PTPRU: variants seen among roughly 807,000 people sequenced by gnomAD.
The protein encoded by PTPRU is receptor-type tyrosine-protein phosphatase U.
A neutral mutation model predicts 166.3 loss-of-function variants in PTPRU; 69 were observed. The ratio of observed to expected loss-of-function variants is 0.41; its 90% CI spans 0.34 to 0.51. The LOEUF (loss-of-function observed/expected upper bound fraction) is 0.51. Ranked by LOEUF, PTPRU falls within the 20% of genes least tolerant of loss-of-function variation. PTPRU has a pLI of 0.09. For synonymous variants in PTPRU, 793 were observed against 814.0 expected (o/e 0.97, Z 0.44); for missense variants, 1,657 against 2,013.7 (o/e 0.82, Z 3.39).
intron 15 of PTPRU, among the ~76,000 whole-genome samples, chr1:29,297,922 G>A (rs1686964402): frequency 6.6e-6 from 1 of 152,166 alleles, no homozygotes; most frequent in Admixed American, 6.5e-5. Context: ...GACTGATGGT[G>A]AGGAGGAAGG....
At chr1:29,300,786 A>G (rs150027501) in intron 15 of PTPRU, among the ~76,000 whole-genome samples, 2,646 of 152,310 alleles carry the variant, frequency 0.017, 43 homozygotes, top group South Asian at 0.027. Flanking sequence ...ATGGCACAGG[A>G]AGGTGGAACC....
chr1:29,318,926 G>A (rs549149931), intron 25 of PTPRU, among the ~76,000 whole-genome samples: 2 of 152,238 alleles, frequency 1.3e-5, no homozygotes, highest in Non-Finnish European at 2.9e-5. Flanking sequence ...CTCCCACAGC[G>A]GTTAAGAGGG....
intron 7 of PTPRU, among the ~76,000 whole-genome samples, chr1:29,264,592 G>A (rs547784720): frequency 1.7e-4 from 25 of 151,130 alleles, no homozygotes; most frequent in East Asian, 1.2e-3. Flanking sequence ...TGCAACCTCC[G>A]CCTCCCAGGT....
intron 1 of PTPRU, among the ~76,000 whole-genome samples, chr1:29,239,099 T>C (rs1683920510): frequency 6.6e-6 from 1 of 152,222 alleles, no homozygotes; most frequent in African/African-American, 2.4e-5. Context: ...CTGCCTCTGC[T>C]ACTTGCTATT....
In PTPRU at chr1:29,259,584, T is replaced by C. The variant is rs757350836; in HGVS notation, c.675+20T>C. ...TTGCAAGTGAGCGGGAGCGGTGATC[T>C]TGGCTGGGGGCGGGGTGGGAGGGGG... On this transcript the variant is annotated intron_variant, in intron 5 of 29. Transcript: ENST00000373779. 3 of 727,896 alleles carry C rather than the reference T, an allele frequency of 4.1e-6. No individual in the cohort carries two copies. The African/African-American group carries it at 5.5e-5, about 13-fold the overall frequency. 45.1% of individuals were successfully genotyped at this position (727,896 alleles called of 1,614,324 possible). A position where few individuals can be genotyped will look rare whatever the true frequency, so the allele number is the denominator to read the frequency against.
rs562721114 is a variant in PTPRU at position 29,318,038 on chromosome 1, G to T, written c.3687+117G>T. 5.6e-5 allele frequency: 75 copies of T among 1,348,310 alleles called. No homozygotes were observed. The East Asian group carries it at 1.8e-3, about 32-fold the overall frequency. The allele number at this position is 1,348,310 out of a possible 1,614,324, so 83.5% of individuals were successfully genotyped here. A position where few individuals can be genotyped will look rare whatever the true frequency, so the allele number is the denominator to read the frequency against. The stretch of plus-strand genomic sequence containing the variant: ...TGTTGGGGGGACCCCTGCCCATTCT[G>T]GGGAACAGGCCTGTGTGTGACCCTC... On this transcript the variant is annotated intron_variant, in intron 25 of 29. Transcript: ENST00000373779.
chr1:29,288,699 T>C (rs1686477732), intron 14 of PTPRU, among the ~76,000 whole-genome samples: 1 of 151,424 alleles, frequency 6.6e-6, no homozygotes, highest in Non-Finnish European at 1.5e-5. Context: ...GCTGACAGGG[T>C]GATGTGGGGG....
intron 7 of PTPRU, among the ~76,000 whole-genome samples, chr1:29,264,494 G>T (rs1190894906): frequency 1.3e-5 from 2 of 151,288 alleles, no homozygotes; most frequent in African/African-American, 2.4e-5. Flanking sequence ...GTGAGGTAGG[G>T]ATCCAACCTC....
At position 29,320,918 on chromosome 1, in the gene PTPRU, C is replaced by A; in HGVS notation, c.3828+93C>A. The stretch of plus-strand genomic sequence containing the variant: ...GTCCCCAAAGCCAAAAGTTGGGTCC[C>A]AGCTCTGCCATCTATTTATTGTGTG... On this transcript the variant is annotated intron_variant, in intron 26 of 29. Coordinates refer to ENST00000373779, the MANE Select transcript of PTPRU (RefSeq NM_133178.4). The surrounding 1 kb of genome is among the most constrained non-coding windows in gnomAD (Gnocchi z 5.2). 7.5e-7 allele frequency: 1 copy of A among 1,328,050 alleles called. No individual in the cohort carries two copies. Among genetic ancestry groups the A allele is most frequent in the Non-Finnish European group, 1.0e-6 (1 of 995,136 alleles). 82.3% of individuals were successfully genotyped at this position (1,328,050 alleles called of 1,614,324 possible).
At chr1:29,249,146 G>A (rs1684427973) in intron 1 of PTPRU, among the ~76,000 whole-genome samples, 1 of 136,742 alleles carries the variant, frequency 7.3e-6, no homozygotes, top group South Asian at 2.3e-4. Context: ...TTAGAGCCAT[G>A]AGTGCACGTG....
intron 18 of PTPRU, 82 bp from the exon 19 acceptor site, chr1:29,310,662 C>T: frequency 6.9e-7 from 1 of 1,443,226 alleles, no homozygotes; most frequent in Non-Finnish European, 9.8e-7. Flanking sequence ...GGTTCTGCTG[C>T]TGGGAGGGGA....
rs1306036825 is a variant in PTPRU, at chr1:29,258,786, G to T, written c.477+10G>T. On this transcript the variant is annotated intron_variant, in intron 3 of 29. Transcript: ENST00000373779. ...GCCCAATGAATATCAGGTGGGCTGGGTTCAGTCAGCGGTCAGCCTGTGCCT... is the reference window on the plus strand; with the variant it reads ...GCCCAATGAATATCAGGTGGGCTGGTTTCAGTCAGCGGTCAGCCTGTGCCT... The T allele has an allele frequency of 1.3e-6, 2 of 1,560,014 alleles. No homozygotes were observed. The highest frequency in any genetic ancestry group is 2.7e-5 in the African/African-American group (2 of 73,610).
chr1:29,300,792 G>A (rs1687100874), intron 15 of PTPRU, among the ~76,000 whole-genome samples: 1 of 152,216 alleles, frequency 6.6e-6, no homozygotes, highest in South Asian at 2.1e-4. Context: ...CAGGAAGGTG[G>A]AACCCAAGCA....
chr1:29,286,687 C>A (rs1198755721), intron 14 of PTPRU, among the ~76,000 whole-genome samples: 1 of 151,898 alleles, frequency 6.6e-6, no homozygotes, highest in African/African-American at 2.4e-5. Flanking sequence ...AATCTACCCT[C>A]AAGGAGAAGA....
chr1:29,260,028 G>A lies in PTPRU; in HGVS notation c.834G>A (p.Ala278=), dbSNP rs1461905390. 4 of 1,465,836 alleles carry A rather than the reference G, an allele frequency of 2.7e-6. No homozygotes were observed. The highest frequency in any genetic ancestry group is 1.5e-5 in the African/African-American group (1 of 67,902). The allele number at this position is 1,465,836 out of a possible 1,614,324, so 90.8% of individuals were successfully genotyped here. A position where few individuals can be genotyped will look rare whatever the true frequency, so the allele number is the denominator to read the frequency against. ...APRGAGVSNF[A]ELIVKEPPTP... ...GCGGCGCGGGCGTCTCTAACTTCGCGGAGCTCATCGTCAAGGGTCAGCTGG... is the reference window on the plus strand; with the variant it reads ...GCGGCGCGGGCGTCTCTAACTTCGCAGAGCTCATCGTCAAGGGTCAGCTGG... Residue 278 remains alanine (A), a synonymous_variant, in exon 6 of 30, where the codon GCG becomes GCA. Coordinates refer to ENST00000373779, the MANE Select transcript of PTPRU (RefSeq NM_133178.4). The surrounding 1 kb of genome is among the most constrained non-coding windows in gnomAD (Gnocchi z 8.3).
At chr1:29,259,599 G>GGCCCACCC in intron 5 of PTPRU, 35 bp downstream of exon 5, 1 of 1,467,292 alleles carries the variant, frequency 6.8e-7, no homozygotes, top group East Asian at 2.3e-5. Context: ...TGGGGGCGGG[G>GGCCCACCC]TGGGAGGGGG....
At chr1:29,309,038 A>G (rs1041179443) in intron 18 of PTPRU, among the ~76,000 whole-genome samples, 1 of 152,188 alleles carries the variant, frequency 6.6e-6, no homozygotes, top group African/African-American at 2.4e-5. Context: ...TCCAGTGCTG[A>G]GGGCTGAGAG....
intron 28 of PTPRU, among the ~76,000 whole-genome samples, chr1:29,324,182 A>G (rs1688298439): frequency 6.6e-6 from 1 of 152,070 alleles, no homozygotes; most frequent in African/African-American, 2.4e-5. Context: ...CCATCCATCC[A>G]TCCATCTGCA....
chr1:29,283,742 A>G (rs1317152779), intron 12 of PTPRU, 198 bp from the exon 13 acceptor site: 4 of 622,336 alleles, frequency 6.4e-6, no homozygotes, highest in Middle Eastern at 3.2e-4. Flanking sequence ...CCCCTTTCCT[A>G]AGGCACTGCA....
Sources: allele counts gnomAD v4.1 joint callset (sites outside exome capture counted in the v4.1 genomes callset), GRCh38; gene constraint gnomAD v4.1.1; non-coding constraint Gnocchi (gnomAD v3.1); transcripts MANE v1.5; gene names NCBI Gene and HGNC (gene_info 2026-07-23, HGNC 2026-07-21).